C19orf53: variants seen among roughly 807,000 people sequenced by gnomAD.
C19orf53 encodes the protein chromosome 19 open reading frame 53, also known as leydig cell tumor 10 kDa protein homolog.
C19orf53 carries 9 observed loss-of-function variants against 6.5 expected under a neutral mutation model. The observed-to-expected ratio is 1.38, with a 90% CI of 0.83 to 2.40. The LOEUF is 2.40. Among genes scored for constraint, C19orf53 ranks in the 30% most tolerant of loss-of-function variants. The pLI, the probability that C19orf53 is intolerant of heterozygous loss-of-function variation, is 0.00. For synonymous variants in C19orf53, 68 were observed against 52.5 expected (o/e 1.29, Z -1.27); for missense variants, 166 against 129.7 (o/e 1.28, Z -1.36).
intron 2 of C19orf53, chr19:13,775,399 C>T (rs1974359108): frequency 6.5e-6 from 1 of 154,650 alleles, no homozygotes; most frequent in Admixed American, 6.5e-5. Flanking sequence ...TCCGTCTCAG[C>T]CTCTCGAGTA....
At chr19:13,777,388 G>A (rs1005668087) in intron 2 of C19orf53, among the ~76,000 whole-genome samples, 2 of 152,090 alleles carry the variant, frequency 1.3e-5, no homozygotes, top group African/African-American at 2.4e-5. Context: ...CCAGCACACC[G>A]TGCTAATTCT....
At chr19:13,774,737 G>A in intron 2 of C19orf53, 30 bp downstream of exon 2, 5 of 1,579,106 alleles carry the variant, frequency 3.2e-6, no homozygotes, top group Non-Finnish European at 4.3e-6. Context: ...GGAGCCCGGA[G>A]GGCGGCGAGT....
intron 2 of C19orf53, 28 bp from the exon 3 acceptor site, chr19:13,778,024 A>C (rs761849957): frequency 3.1e-6 from 5 of 1,589,064 alleles, no homozygotes; most frequent in Non-Finnish European, 4.3e-6. Flanking sequence ...CCAGGTCACA[A>C]TCTGACTGCC....
rs1326160708 is a variant in C19orf53, at chr19:13,778,624, A to T, written c.*426A>T. On this transcript the variant is annotated 3_prime_UTR_variant, in exon 3 of 3. Transcript: ENST00000588234. ...TCTGGCCCTGAGCCTGAGAGCCGGG[A>T]AAGAGTCTTTTCTCCATTTAACCCC... Among the ~76,000 whole-genome samples the T allele has an allele frequency of 1.3e-5, 2 of 152,070 alleles. No homozygotes were observed. Among genetic ancestry groups the T allele is most frequent in the African/African-American group, 4.8e-5 (2 of 41,396 alleles).
chr19:13,777,748 T>G (rs1974385460), intron 2 of C19orf53, among the ~76,000 whole-genome samples: 1 of 152,152 alleles, frequency 6.6e-6, no homozygotes, highest in African/African-American at 2.4e-5. Flanking sequence ...GCACGCCGGA[T>G]CCCATGCAGT....
intron 2 of C19orf53, among the ~76,000 whole-genome samples, chr19:13,776,575 C>T (rs1452427706): frequency 2.6e-5 from 4 of 152,188 alleles, no homozygotes; most frequent in African/African-American, 9.6e-5. Flanking sequence ...ACCCTCTCCT[C>T]TGCTAACTCC....
chr19:13,774,709 T>C lies in C19orf53; in HGVS notation c.153+2T>C. 6.3e-7 allele frequency: 1 copy of C among 1,593,686 alleles called. No individual in the cohort carries two copies. Among genetic ancestry groups the C allele is most frequent in the Non-Finnish European group, 8.6e-7 (1 of 1,166,044 alleles). The stretch of plus-strand genomic sequence containing the variant: ...GTGCAGCAGCAAAAGCTCAAGAAGG[T>C]GTGCGGGGGCGAGAGATGGAGCCCG... On this transcript the variant is annotated splice_donor_variant, in intron 2 of 2. Transcript: ENST00000588234. LOFTEE classifies it high-confidence loss of function.
rs1974353127 is a variant in C19orf53, at chr19:13,775,018, A to G, written c.153+311A>G. The G allele has an allele frequency of 2.0e-5, 10 of 490,006 alleles. No individual in the cohort carries two copies. The East Asian group carries it at 3.0e-4, about 15-fold the overall frequency. 30.4% of individuals were successfully genotyped at this position (490,006 alleles called of 1,614,324 possible). On this transcript the variant is annotated intron_variant, in intron 2 of 2. Coordinates refer to ENST00000588234, the MANE Select transcript of C19orf53 (RefSeq NM_014047.3). ...AGGGATCGGCAAAGGGCAAGGGATG[A>G]GGCCTGGAGGACTCCCAGCTCTGTG...
At chr19:13,776,107 A>C (rs1226100920) in intron 2 of C19orf53, among the ~76,000 whole-genome samples, 1 of 137,054 alleles carries the variant, frequency 7.3e-6, no homozygotes. Context: ...ACAGGCCTGC[A>C]CCACCACACC....
intron 2 of C19orf53, among the ~76,000 whole-genome samples, chr19:13,776,782 T>G (rs958517538): frequency 1.3e-5 from 2 of 152,186 alleles, no homozygotes; most frequent in Non-Finnish European, 2.9e-5. Flanking sequence ...CACTCCTGTT[T>G]CCTCTTTGCC....
Position 13,778,202 on chromosome 19 carries a change from C to G in C19orf53, c.*4C>G. On this transcript the variant is annotated 3_prime_UTR_variant, in exon 3 of 3. Coordinates refer to ENST00000588234, the MANE Select transcript of C19orf53 (RefSeq NM_014047.3). ...CTCCTCCAAGACACCTTCCTGAGGA[C>G]GCTGGCCCCAGTGCAGGCCAACATC... 1 of 1,596,446 alleles carries G rather than the reference C, an allele frequency of 6.3e-7. No homozygotes were observed. Among genetic ancestry groups the G allele is most frequent in the Middle Eastern group, 1.7e-4 (1 of 5,982 alleles).
intron 2 of C19orf53, chr19:13,775,044 G>A: frequency 2.2e-6 from 1 of 446,466 alleles, no homozygotes; most frequent in Non-Finnish European, 4.0e-6. Flanking sequence ...CAGCTCTGTG[G>A]GCCTCCCTTT....
chr19:13,775,289 C>T (rs1373684761), intron 2 of C19orf53, among the ~76,000 whole-genome samples: 1 of 132,758 alleles, frequency 7.5e-6, no homozygotes, highest in Non-Finnish European at 1.6e-5. Context: ...TGGTTATCGT[C>T]ATTTTTTTTT....
At position 13,774,594 on chromosome 19, in the gene C19orf53, C is replaced by G. The variant is rs956477709; in HGVS notation, c.97+20C>G. On this transcript the variant is annotated intron_variant, in intron 1 of 2. Transcript: ENST00000588234. ...AAGGCGGTAAGGAGCGGCCCGGGGA[C>G]TTGGGGGCGAGGTGGACCCCCGGCT... 1 of 1,613,772 alleles carries G rather than the reference C, an allele frequency of 6.2e-7. No homozygotes were observed. Among genetic ancestry groups the G allele is most frequent in the Non-Finnish European group, 8.5e-7 (1 of 1,179,644 alleles).
chr19:13,774,860 G>A, intron 2 of C19orf53, 153 bp downstream of exon 2: 2 of 1,032,244 alleles, frequency 1.9e-6, no homozygotes, highest in Non-Finnish European at 2.8e-6. Context: ...TAGAGCCAGG[G>A]GCCGCGTTAG....
At chr19:13,776,998 C>G (rs1020074039) in intron 2 of C19orf53, among the ~76,000 whole-genome samples, 5 of 152,040 alleles carry the variant, frequency 3.3e-5, no homozygotes, top group Non-Finnish European at 7.3e-5. Flanking sequence ...GTTGCCCAGG[C>G]TGGAGTGCAG....
Position 13,774,899 on chromosome 19 carries a change from G to C in C19orf53, c.153+192G>C, listed in dbSNP as rs1170262656. On this transcript the variant is annotated intron_variant, in intron 2 of 2. Coordinates refer to ENST00000588234, the MANE Select transcript of C19orf53 (RefSeq NM_014047.3). The stretch of plus-strand genomic sequence containing the variant: ...CGAAGGATGGAGCCCGGGGCGCAGA[G>C]AGGGGTAAGAGGTGGAAGCTGGCGA... 8.4e-6 allele frequency: 6 copies of C among 717,758 alleles called. No homozygotes were observed. The African/African-American group carries it at 9.0e-5, about 11-fold the overall frequency. 44.5% of individuals were successfully genotyped at this position (717,758 alleles called of 1,614,324 possible).
chr19:13,777,249 C>CT (rs57598587), intron 2 of C19orf53, among the ~76,000 whole-genome samples: 36 of 148,204 alleles, frequency 2.4e-4, no homozygotes, highest in African/African-American at 3.7e-4. Context: ...CCAGCCGGAA[C>CT]TTTTTTTTTT....
chr19:13,775,082 A>G (rs1202241670), intron 2 of C19orf53, among the ~76,000 whole-genome samples: 1 of 152,108 alleles, frequency 6.6e-6, no homozygotes, highest in Non-Finnish European at 1.5e-5. Context: ...GTGCAGGAAC[A>G]CCACTTACCA....
Sources: allele counts gnomAD v4.1 joint callset (sites outside exome capture counted in the v4.1 genomes callset), GRCh38; gene constraint gnomAD v4.1.1; transcripts MANE v1.5; gene names NCBI Gene and HGNC (gene_info 2026-07-23, HGNC 2026-07-21).